Variants in KANK4 observed in about 807,000 individuals in gnomAD.
KANK4 encodes the protein KN motif and ankyrin repeat domains 4.
KANK4 carries 50 observed loss-of-function variants against 80.8 expected under a neutral mutation model. That is an observed-to-expected ratio of 0.62 (90% CI 0.49 to 0.78). The LOEUF is 0.78. KANK4 is among the 30% of genes least tolerant of loss of function. The pLI, the probability that KANK4 is intolerant of heterozygous loss-of-function variation, is 0.00. For synonymous variants in KANK4, 465 were observed against 506.9 expected (o/e 0.92, Z 1.11); for missense variants, 1,196 against 1,240.1 (o/e 0.96, Z 0.53).
At chr1:62,284,266 T>C (rs976924248) in intron 1 of KANK4, among the ~76,000 whole-genome samples, 35 of 152,334 alleles carry the variant, frequency 2.3e-4, no homozygotes, top group African/African-American at 8.2e-4. Context: ...CATGCTACCT[T>C]GTTTGCAATA....
At chr1:62,290,951 C>T (rs996222512) in intron 1 of KANK4, among the ~76,000 whole-genome samples, 6 of 151,944 alleles carry the variant, frequency 3.9e-5, no homozygotes, top group Admixed American at 1.3e-4. Context: ...AGGGTTTCAC[C>T]GTGTTAGCCA....
chr1:62,286,043 A>G (rs1395685200), intron 1 of KANK4, among the ~76,000 whole-genome samples: 1 of 152,204 alleles, frequency 6.6e-6, no homozygotes, highest in Non-Finnish European at 1.5e-5. Flanking sequence ...AACAGAGATG[A>G]GTCCTGCTCA....
intron 1 of KANK4, among the ~76,000 whole-genome samples, chr1:62,318,767 C>T (rs890139569): frequency 6.6e-6 from 1 of 152,122 alleles, no homozygotes; most frequent in African/African-American, 2.4e-5. Flanking sequence ...AGCACGGCCT[C>T]CCCCTCCTCA....
rs770000191 is a variant in KANK4 at position 62,273,529 on chromosome 1, G to C, written c.1575C>G (p.Gly525=). 3.1e-6 allele frequency: 5 copies of C among 1,613,358 alleles called. No individual in the cohort carries two copies. The highest frequency in any genetic ancestry group is 4.2e-6 in the Non-Finnish European group (5 of 1,179,422). ...GTRGAGGFLW[G]SDRKTPPAGR... ...CTGCTGGGGGAGTCTTTCTGTCGCT[G>C]CCCCACAGAAAGCCTCCTGCTCCCC... The change falls in exon 3 of 10, where the codon GGC becomes GGG. Residue 525 remains glycine, a synonymous_variant. Coordinates refer to ENST00000371153, the MANE Select transcript of KANK4 (RefSeq NM_181712.5).
rs1249383748 is a variant in KANK4, at chr1:62,253,015, C to T, written c.2682+52G>A. The T allele has an allele frequency of 4.3e-5, 69 of 1,594,244 alleles. No homozygotes were observed. In the South Asian group the frequency reaches 5.3e-4, roughly 12 times the overall value. On this transcript the variant is annotated intron_variant, in intron 8 of 9. Coordinates refer to ENST00000371153, the MANE Select transcript of KANK4 (RefSeq NM_181712.5). ...TTCTCACCCCACTAGCAGAATAAAG[C>T]GGGAGGTGCCCCTGCATTTACTGAA...
At chr1:62,254,027 A>T (rs1042010192) in intron 7 of KANK4, among the ~76,000 whole-genome samples, 6 of 152,156 alleles carry the variant, frequency 3.9e-5, no homozygotes, top group Non-Finnish European at 7.3e-5. Flanking sequence ...GTTTGTGTGT[A>T]ACAAACTAAT....
At chr1:62,278,397 C>CTTTCTTTCTTTTT (rs1553130867) in intron 2 of KANK4, among the ~76,000 whole-genome samples, 2 of 29,238 alleles carry the variant, frequency 6.8e-5, no homozygotes, top group African/African-American at 2.7e-4. Context: ...TTCTTTCTTT[C>CTTTCTTTCTTTTT]TTTTTTTTTT....
chr1:62,265,348 C>G (rs904172273), intron 6 of KANK4, among the ~76,000 whole-genome samples: 6 of 152,002 alleles, frequency 3.9e-5, no homozygotes, highest in African/African-American at 1.4e-4. Context: ...TCAGGCGATT[C>G]TCCCACCTCA....
chr1:62,278,863 C>T (rs1672384397), intron 2 of KANK4, among the ~76,000 whole-genome samples: 1 of 152,028 alleles, frequency 6.6e-6, no homozygotes, highest in African/African-American at 2.4e-5. Flanking sequence ...CTCAACAGCC[C>T]CACAGATTAT....
intron 1 of KANK4, among the ~76,000 whole-genome samples, chr1:62,296,880 C>A (rs558361118): frequency 6.0e-4 from 92 of 152,074 alleles, no homozygotes; most frequent in Admixed American, 2.5e-3. Context: ...TGGTTTTATT[C>A]CCTGTACACT....
chr1:62,240,275 G>A (rs1230784870), intron 9 of KANK4, among the ~76,000 whole-genome samples: 4 of 152,304 alleles, frequency 2.6e-5, no homozygotes, highest in South Asian at 2.1e-4. Context: ...GTGATGATGA[G>A]CATTTTTTCA....
intron 1 of KANK4, among the ~76,000 whole-genome samples, chr1:62,318,425 T>A (rs1046615390): frequency 1.3e-5 from 2 of 152,192 alleles, no homozygotes; most frequent in Non-Finnish European, 2.9e-5. Context: ...GATTTGACCT[T>A]ACCGGAGAGG....
chr1:62,241,222 G>A (rs1448782047), intron 9 of KANK4, among the ~76,000 whole-genome samples: 3 of 152,056 alleles, frequency 2.0e-5, no homozygotes, highest in Admixed American at 6.6e-5. Context: ...GGGCTCCCAC[G>A]CATGCAAATA....
intron 7 of KANK4, among the ~76,000 whole-genome samples, chr1:62,255,632 A>G (rs1671734203): frequency 1.3e-5 from 2 of 151,552 alleles, no homozygotes; most frequent in South Asian, 4.2e-4. Flanking sequence ...CCTACCTTAT[A>G]GGTGAAATTT....
chr1:62,268,479 G>T lies in KANK4; in HGVS notation c.2039C>A (p.Thr680Asn), dbSNP rs1311887947. ...GGYETTSSEE[T>N]SGEDSTPEDL... ...CTCTGGGGTGCTGTCCTCACCGCTG[G>T]TCTCCTCACTTGAGGTGGTCTCATA... The change falls in exon 5 of 10, where the codon ACC (threonine) becomes AAC (asparagine). Residue 680 changes from threonine (T) to asparagine (N), a missense_variant. Around this residue, in one of 3 missense-constraint regions of KANK4, gnomAD observed 1,154 missense variants for 1,179.6 expected, o/e 0.98. Coordinates refer to ENST00000371153, the MANE Select transcript of KANK4 (RefSeq NM_181712.5). 1.9e-6 allele frequency: 3 copies of T among 1,613,552 alleles called. No individual in the cohort carries two copies. The South Asian group carries it at 3.3e-5, about 18-fold the overall frequency.
At chr1:62,245,373 T>A (rs1019262444) in intron 9 of KANK4, among the ~76,000 whole-genome samples, 2 of 152,196 alleles carry the variant, frequency 1.3e-5, no homozygotes, top group Non-Finnish European at 2.9e-5. Context: ...AGTCACTGGA[T>A]GAGTGCCTGC....
intron 2 of KANK4, among the ~76,000 whole-genome samples, chr1:62,275,848 G>GGGAGGGAT (rs945199544): frequency 2.2e-5 from 3 of 137,218 alleles, no homozygotes; most frequent in Admixed American, 1.4e-4. Context: ...GAGAGAGGGA[G>GGGAGGGAT]GGAGGGAGGG....
chr1:62,296,467 G>A lies in KANK4; in HGVS notation c.-70-14833C>T, dbSNP rs186524528. Among the ~76,000 whole-genome samples, 781 of 152,310 alleles carry A rather than the reference G, an allele frequency of 5.1e-3. 5 individuals are homozygous for A. The highest frequency in any genetic ancestry group is 7.9e-3 in the Admixed American group (121 of 15,294). On this transcript the variant is annotated intron_variant, in intron 1 of 9. Coordinates refer to ENST00000371153, the MANE Select transcript of KANK4 (RefSeq NM_181712.5). The stretch of plus-strand genomic sequence containing the variant: ...ATAATAATGGAGGGATAACAGCCAA[G>A]AAAGCTCTGCCAGAAGTGTCCTTTG...
intron 7 of KANK4, among the ~76,000 whole-genome samples, chr1:62,258,640 T>C (rs1208307658): frequency 2.0e-5 from 3 of 152,110 alleles, no homozygotes; most frequent in Non-Finnish European, 4.4e-5. Flanking sequence ...TTAACAGACG[T>C]TTTCACTCAA....
Sources: allele counts gnomAD v4.1 joint callset (sites outside exome capture counted in the v4.1 genomes callset), GRCh38; gene constraint gnomAD v4.1.1; regional missense constraint gnomAD v4.1.1; transcripts MANE v1.5; gene names NCBI Gene and HGNC (gene_info 2026-07-23, HGNC 2026-07-21).